The following RSRC1 variants were observed in gnomAD, a reference collection of about 807,000 sequenced individuals.
The protein encoded by RSRC1 is arginine and serine rich coiled-coil 1, also known as serine/Arginine-related protein 53.
A neutral mutation model predicts 49.1 loss-of-function variants in RSRC1; 39 were observed. The observed-to-expected ratio is 0.79, with a 90% CI of 0.61 to 1.04. The LOEUF is 1.04. Among genes scored for constraint, RSRC1 ranks in the 50% least tolerant of loss-of-function variants. RSRC1 has a pLI of 0.00. For missense variants in RSRC1, 388 were observed against 402.4 expected (o/e 0.96, Z 0.31); for synonymous variants, 143 against 130.8 (o/e 1.09, Z -0.63).
chr3:158,224,787 T>A (rs1722430561), intron 4 of RSRC1, among the ~76,000 whole-genome samples: 1 of 151,882 alleles, frequency 6.6e-6, no homozygotes, highest in African/African-American at 2.4e-5. Context: ...ATTTTAGATA[T>A]AATTATTTTT....
chr3:158,315,251 C>G lies in RSRC1; in HGVS notation c.531+17176C>G, dbSNP rs1728364708. Among the ~76,000 whole-genome samples, 4 of 152,100 alleles carry G rather than the reference C, an allele frequency of 2.6e-5. No individual in the cohort carries two copies. The South Asian group carries it at 8.3e-4, about 32-fold the overall frequency. On this transcript the variant is annotated intron_variant, in intron 5 of 9. Transcript: ENST00000611884. ...CATATATGCACACACAGACACTCATCTAGTCTTTATAGCAACAACATTATG... is the reference window on the plus strand; with the variant it reads ...CATATATGCACACACAGACACTCATGTAGTCTTTATAGCAACAACATTATG...
At position 158,221,128 on chromosome 3, in the gene RSRC1, C is replaced by T. The variant is rs553013318; in HGVS notation, c.494+17883C>T. On this transcript the variant is annotated intron_variant, in intron 4 of 9. Coordinates refer to ENST00000611884, the MANE Select transcript of RSRC1 (RefSeq NM_001271838.2). ...TTATAAAAAGAGAATATTTATAATTCTTTAATCTTTAGTCGGTTTCTACTT... is the reference window on the plus strand; with the variant it reads ...TTATAAAAAGAGAATATTTATAATTTTTTAATCTTTAGTCGGTTTCTACTT... Among the ~76,000 whole-genome samples, 9 of 151,586 alleles carry T rather than the reference C, an allele frequency of 5.9e-5. No individual in the cohort carries two copies. In the South Asian group the frequency reaches 1.9e-3, roughly 31 times the overall value.
chr3:158,338,162 T>G (rs952061930), intron 5 of RSRC1, among the ~76,000 whole-genome samples: 1 of 152,100 alleles, frequency 6.6e-6, no homozygotes, highest in East Asian at 1.9e-4. Flanking sequence ...GTATATAAAA[T>G]GGCATCTTTC....
At chr3:158,131,200 A>G (rs1325573924) in intron 3 of RSRC1, among the ~76,000 whole-genome samples, 1 of 151,928 alleles carries the variant, frequency 6.6e-6, no homozygotes, top group Non-Finnish European at 1.5e-5. Flanking sequence ...TTAAATATAT[A>G]TTAACTAAGT....
chr3:158,386,730 T>A (rs889583340), intron 6 of RSRC1, among the ~76,000 whole-genome samples: 2 of 152,006 alleles, frequency 1.3e-5, no homozygotes, highest in African/African-American at 4.8e-5. Flanking sequence ...ATAGTCTTTG[T>A]TGTTAAGTAA....
intron 5 of RSRC1, among the ~76,000 whole-genome samples, chr3:158,346,808 A>T (rs540596194): frequency 6.6e-6 from 1 of 152,374 alleles, no homozygotes; most frequent in African/African-American, 2.4e-5. Context: ...TTATACAAAG[A>T]TGTGTACCTG....
intron 4 of RSRC1, among the ~76,000 whole-genome samples, chr3:158,267,860 A>T (rs865453): frequency 0.46 from 56,548 of 123,912 alleles, 13,119 homozygotes; most frequent in East Asian, 0.63. Context: ...TTCCATATCT[A>T]TTTTTTTTTT....
intron 4 of RSRC1, among the ~76,000 whole-genome samples, chr3:158,224,163 G>T (rs1438786731): frequency 6.6e-6 from 1 of 151,730 alleles, no homozygotes; most frequent in African/African-American, 2.4e-5. Context: ...TGAATTTAAT[G>T]ACTAAATATG....
intron 6 of RSRC1, among the ~76,000 whole-genome samples, chr3:158,443,863 G>C (rs1351835821): frequency 1.3e-5 from 2 of 152,126 alleles, no homozygotes; most frequent in Non-Finnish European, 2.9e-5. Flanking sequence ...CTATTGTAGG[G>C]TTGCTGATGG....
chr3:158,467,461 T>C (rs929205852), intron 7 of RSRC1, among the ~76,000 whole-genome samples: 3 of 152,220 alleles, frequency 2.0e-5, no homozygotes, highest in Non-Finnish European at 4.4e-5. Context: ...AATATGTAGT[T>C]ACATAGTGCG....
intron 7 of RSRC1, among the ~76,000 whole-genome samples, chr3:158,478,481 A>C (rs1738476981): frequency 6.6e-6 from 1 of 152,056 alleles, no homozygotes; most frequent in African/African-American, 2.4e-5. Context: ...TTAAATAAAC[A>C]TCAAGCAAAA....
At chr3:158,529,736 A>G (rs775699419) in intron 7 of RSRC1, among the ~76,000 whole-genome samples, 2 of 151,986 alleles carry the variant, frequency 1.3e-5, no homozygotes, top group Non-Finnish European at 2.9e-5. Flanking sequence ...CCGTGGACAT[A>G]TATACACCAG....
chr3:158,138,569 G>A (rs1254839061), intron 3 of RSRC1, among the ~76,000 whole-genome samples: 3 of 152,142 alleles, frequency 2.0e-5, no homozygotes, highest in Non-Finnish European at 2.9e-5. Context: ...AGTTTTATTG[G>A]GTGGCTCCTT....
At chr3:158,444,213 C>T (rs1250201321) in intron 6 of RSRC1, among the ~76,000 whole-genome samples, 2 of 152,032 alleles carry the variant, frequency 1.3e-5, no homozygotes, top group East Asian at 3.9e-4. Context: ...AATCCTAAGC[C>T]AAAAGAACAA....
At chr3:158,319,039 A>G (rs1210082636) in intron 5 of RSRC1, among the ~76,000 whole-genome samples, 2 of 152,302 alleles carry the variant, frequency 1.3e-5, no homozygotes, top group African/African-American at 2.4e-5. Flanking sequence ...GAGGTTCGAC[A>G]TATCTACTTT....
intron 6 of RSRC1, among the ~76,000 whole-genome samples, chr3:158,412,066 T>A (rs9850856): frequency 0.52 from 79,091 of 151,988 alleles, 21,025 homozygotes; most frequent in African/African-American, 0.61. Context: ...ATGATACCTA[T>A]AGAAAATTTC....
chr3:158,224,203 A>G (rs1722388646), intron 4 of RSRC1, among the ~76,000 whole-genome samples: 1 of 151,874 alleles, frequency 6.6e-6, no homozygotes, highest in Non-Finnish European at 1.5e-5. Context: ...AGGTTTCTTC[A>G]TCACCTTTAT....
At chr3:158,532,015 T>G (rs1712428017) in intron 7 of RSRC1, among the ~76,000 whole-genome samples, 1 of 151,902 alleles carries the variant, frequency 6.6e-6, no homozygotes, top group African/African-American at 2.4e-5. Context: ...TCTTGTAACA[T>G]AAGAAGGAAT....
chr3:158,469,136 G>T (rs1738016969), intron 7 of RSRC1, among the ~76,000 whole-genome samples: 1 of 151,988 alleles, frequency 6.6e-6, no homozygotes, highest in Admixed American at 6.6e-5. Flanking sequence ...TTCTTCTTAA[G>T]GCCAGTTCTT....
Sources: allele counts gnomAD v4.1 joint callset (sites outside exome capture counted in the v4.1 genomes callset), GRCh38; gene constraint gnomAD v4.1.1; transcripts MANE v1.5; gene names NCBI Gene and HGNC (gene_info 2026-07-23, HGNC 2026-07-21).